INSYN2A: variants seen among roughly 807,000 people sequenced by gnomAD.
The protein encoded by INSYN2A is inhibitory synaptic factor 2A, also known as family with sequence similarity 196 member A.
Under a neutral mutation model 39.4 loss-of-function variants are expected in INSYN2A, and 17 were observed. The observed-to-expected ratio is 0.43, with a 90% confidence interval of 0.30 to 0.65. The LOEUF (loss-of-function observed/expected upper bound fraction) is 0.65. INSYN2A is among the 30% of genes least tolerant of loss of function. INSYN2A has a pLI of 0.14. For synonymous variants in INSYN2A, 255 were observed against 265.7 expected (o/e 0.96, Z 0.39); for missense variants, 595 against 631.2 (o/e 0.94, Z 0.61).
intron 4 of INSYN2A, among the ~76,000 whole-genome samples, chr10:127,174,453 T>C (rs977512341): frequency 1.3e-5 from 2 of 152,172 alleles, no homozygotes; most frequent in African/African-American, 4.8e-5. Context: ...CACCTTTAGG[T>C]CATTTGTTTT....
chr10:127,145,498 A>G (rs547041583), intron 5 of INSYN2A, among the ~76,000 whole-genome samples: 35 of 152,316 alleles, frequency 2.3e-4, no homozygotes, highest in Admixed American at 1.9e-3. Context: ...AAACTGTGTT[A>G]TAACTGCCTT....
intron 1 of INSYN2A, among the ~76,000 whole-genome samples, chr10:127,195,483 TC>T (rs776328760): frequency 6.6e-6 from 1 of 151,866 alleles, no homozygotes; most frequent in Non-Finnish European, 1.5e-5. Context: ...CTCGCGCCTC[TC>T]CTCAACGGCC....
At chr10:127,170,900 A>G (rs1265287927) in intron 4 of INSYN2A, among the ~76,000 whole-genome samples, 2 of 152,230 alleles carry the variant, frequency 1.3e-5, no homozygotes, top group East Asian at 1.9e-4. Context: ...TGCATAAAGC[A>G]GAGTGATTTT....
intron 4 of INSYN2A, among the ~76,000 whole-genome samples, chr10:127,156,679 C>T (rs11814315): frequency 0.015 from 2,233 of 151,468 alleles, 58 homozygotes; most frequent in African/African-American, 0.051. Flanking sequence ...AGCGATTCTC[C>T]TGCCTCAGCC....
rs370328461 is a variant in INSYN2A, at chr10:127,142,303, C to T, written c.1257-4283G>A. 2.2e-4 allele frequency among the ~76,000 whole-genome samples: 33 copies of T among 152,300 alleles called. No homozygotes were observed. The South Asian group carries it at 6.6e-3, about 31-fold the overall frequency. ...TTGTTGTGGTTTCTGAGGACTCTGGCTGTGGCTTTGCACAGTCCCCTTGCA... is the reference window on the plus strand; with the variant it reads ...TTGTTGTGGTTTCTGAGGACTCTGGTTGTGGCTTTGCACAGTCCCCTTGCA... On this transcript the variant is annotated intron_variant, in intron 5 of 5. Transcript: ENST00000522781.
Position 127,195,905 on chromosome 10 carries a change from C to T in INSYN2A, c.-395+92G>A, listed in dbSNP as rs968468700. ...TGGGGCCGAGTGTGTGCGCCCGAAT[C>T]GGGGTCGGCGCCCGTCCCAGCGGTG... On this transcript the variant is annotated intron_variant, in intron 1 of 5. Coordinates refer to ENST00000522781, the MANE Select transcript of INSYN2A (RefSeq NM_001039762.3). 2.0e-5 allele frequency: 3 copies of T among 152,194 alleles called. No individual in the cohort carries two copies. The South Asian group carries it at 6.2e-4, about 31-fold the overall frequency. The allele number at this position is 152,194 out of a possible 1,614,324, so 9.4% of individuals were successfully genotyped here.
At chr10:127,178,421 C>T (rs1186315143) in intron 2 of INSYN2A, among the ~76,000 whole-genome samples, 1 of 152,154 alleles carries the variant, frequency 6.6e-6, no homozygotes, top group Non-Finnish European at 1.5e-5. Flanking sequence ...GGGTGGTCAG[C>T]AGTCCCTGGC....
chr10:127,139,879 A>G (rs144238357), intron 5 of INSYN2A, among the ~76,000 whole-genome samples: 51 of 152,344 alleles, frequency 3.3e-4, no homozygotes, highest in African/African-American at 1.2e-3. Context: ...TTGTACCATT[A>G]TTATCTATTG....
At chr10:127,157,229 A>T (rs940549549) in intron 4 of INSYN2A, among the ~76,000 whole-genome samples, 1 of 152,224 alleles carries the variant, frequency 6.6e-6, no homozygotes, top group Non-Finnish European at 1.5e-5. Flanking sequence ...GCAGTCAGTC[A>T]TCTGTTGACC....
At chr10:127,146,045 C>G (rs1380793305) in intron 5 of INSYN2A, 1 of 518,554 alleles carries the variant, frequency 1.9e-6, no homozygotes, top group South Asian at 1.4e-5. Flanking sequence ...CGACCCAGCC[C>G]TAGACATCGT....
intron 4 of INSYN2A, among the ~76,000 whole-genome samples, chr10:127,170,609 G>C (rs1052454698): frequency 1.6e-5 from 2 of 127,776 alleles, no homozygotes; most frequent in Non-Finnish European, 3.5e-5. Context: ...GTAGTTGCTG[G>C]TGAGTTTACC....
At chr10:127,180,191 T>C (rs1456701214) in intron 2 of INSYN2A, among the ~76,000 whole-genome samples, 1 of 152,236 alleles carries the variant, frequency 6.6e-6, no homozygotes, top group Non-Finnish European at 1.5e-5. Flanking sequence ...CCACAGTGTA[T>C]CTGGGTGCTG....
At chr10:127,155,557 C>A (rs1257012144) in intron 4 of INSYN2A, among the ~76,000 whole-genome samples, 2 of 152,132 alleles carry the variant, frequency 1.3e-5, no homozygotes, top group African/African-American at 2.4e-5. Flanking sequence ...GGGGGATGAA[C>A]AGCCTGTGCC....
intron 5 of INSYN2A, chr10:127,146,098 T>C (rs570561194): frequency 2.0e-6 from 1 of 511,656 alleles, no homozygotes; most frequent in Admixed American, 2.0e-5. Context: ...AAAATCTCCA[T>C]ACTCATCTAA....
At position 127,137,977 on chromosome 10, in the gene INSYN2A, C is replaced by T. The variant is rs1005659885; in HGVS notation, c.1300G>A (p.Val434Ile). 1.9e-6 allele frequency: 3 copies of T among 1,613,520 alleles called. No individual in the cohort carries two copies. In the Admixed American group the frequency reaches 5.0e-5, roughly 27 times the overall value. Residue 434 changes from valine (V) to isoleucine (I), a missense_variant, in exon 6 of 6, where the codon GTT becomes ATT. Physicochemically the swap from Val to Ile is conservative, Grantham distance 29. Coordinates refer to ENST00000522781, the MANE Select transcript of INSYN2A (RefSeq NM_001039762.3). ...TCAATAGGGTGGAGTTTTCTTAGAA[C>T]CGGCTGGAGTTTGTCTTCTTGCTGC... ...FKQQEDKLQPVLRKLHPIEET... is the reference protein window; with the variant it reads ...FKQQEDKLQPILRKLHPIEET...
intron 2 of INSYN2A, among the ~76,000 whole-genome samples, chr10:127,182,887 G>A (rs182821074): frequency 2.0e-5 from 3 of 152,160 alleles, no homozygotes; most frequent in East Asian, 1.9e-4. Context: ...GACCCTGGAG[G>A]CTTCCTGGTG....
At position 127,176,163 on chromosome 10, in the gene INSYN2A, A is replaced by G; in HGVS notation, c.233T>C (p.Val78Ala). The G allele has an allele frequency of 1.2e-6, 2 of 1,614,056 alleles. No individual in the cohort carries two copies. The highest frequency in any genetic ancestry group is 1.1e-5 in the South Asian group (1 of 91,070). ...TTTGCGGTAGGCTGCTCTGCAGGAC[A>G]CGGGCTTGGCCTCCCGCTTCTCCCC... ...QLGEKREAKP[V>A]SCRAAYRKYM... The change falls in exon 4 of 6, where the codon GTG becomes GCG. Residue 78 changes from valine (V) to alanine (A), a missense_variant. Physicochemically the swap from Val to Ala is moderately conservative, Grantham distance 64 (BLOSUM62 0). Coordinates refer to ENST00000522781, the MANE Select transcript of INSYN2A (RefSeq NM_001039762.3). The surrounding 1 kb of genome is among the most constrained non-coding windows in gnomAD (Gnocchi z 4.4).
intron 5 of INSYN2A, among the ~76,000 whole-genome samples, chr10:127,140,307 C>A (rs1052936132): frequency 6.6e-6 from 1 of 152,274 alleles, no homozygotes; most frequent in Admixed American, 6.5e-5. Context: ...CTTTATCTGT[C>A]GAGTTGATTC....
At chr10:127,151,224 G>A (rs1435098185) in intron 5 of INSYN2A, among the ~76,000 whole-genome samples, 1 of 152,118 alleles carries the variant, frequency 6.6e-6, no homozygotes, top group Non-Finnish European at 1.5e-5. Context: ...CATTTGATGA[G>A]CTATGTTCCA....
Sources: allele counts gnomAD v4.1 joint callset (sites outside exome capture counted in the v4.1 genomes callset), GRCh38; gene constraint gnomAD v4.1.1; non-coding constraint Gnocchi (gnomAD v3.1); transcripts MANE v1.5; gene names NCBI Gene and HGNC (gene_info 2026-07-23, HGNC 2026-07-21).